SMAP1: variants seen among roughly 807,000 people sequenced by gnomAD.
SMAP1 encodes small ArfGAP 1, also known as stromal membrane-associated protein 1.
Under a neutral mutation model 58.5 loss-of-function variants are expected in SMAP1, and 24 were observed. That is an observed-to-expected ratio of 0.41 (90% CI 0.30 to 0.58). The LOEUF (loss-of-function observed/expected upper bound fraction) is 0.58. Ranked by LOEUF, SMAP1 falls within the 20% of genes least tolerant of loss-of-function variation. The pLI, the probability that SMAP1 is intolerant of heterozygous loss-of-function variation, is 0.29. For synonymous variants in SMAP1, 216 were observed against 196.6 expected (o/e 1.10, Z -0.82); for missense variants, 563 against 566.3 (o/e 0.99, Z 0.06).
rs750409828 is a variant in SMAP1, at chr6:70,852,558, C to G, written c.683C>G (p.Pro228Arg). 1.4e-5 allele frequency: 22 copies of G among 1,599,124 alleles called. No homozygotes were observed. The highest frequency in any genetic ancestry group is 3.4e-5 in the Admixed American group (2 of 58,088). Residue 228 changes from proline to arginine, a missense_variant, in exon 8 of 11, where the codon CCA becomes CGA. By Grantham distance (103) the Pro-to-Arg change is moderately radical. Transcript: ENST00000370455. ...TTTTCAGATGGCCCTGCTGTGGCAC[C>G]AGTGACCAACGGGAACACAACGGTG... is the stretch of plus-strand genomic sequence containing the variant. Reference protein sequence around the residue: ...LLGLDGPAVAPVTNGNTTVPP... With the variant: ...LLGLDGPAVARVTNGNTTVPP...
At chr6:70,677,090 G>C (rs552394882) in intron 1 of SMAP1, among the ~76,000 whole-genome samples, 6 of 151,792 alleles carry the variant, frequency 4.0e-5, no homozygotes, top group African/African-American at 1.2e-4. Flanking sequence ...CTCACCTTGC[G>C]TAAACTTTAT....
chr6:70,784,927 A>T (rs904235636), intron 4 of SMAP1, among the ~76,000 whole-genome samples: 30 of 152,262 alleles, frequency 2.0e-4, no homozygotes, highest in South Asian at 1.2e-3. Context: ...ACCCAGGAAT[A>T]GAACTCAGCT....
At position 70,833,371 on chromosome 6, in the gene SMAP1, C is replaced by T. The variant is rs143791193; in HGVS notation, c.577-3570C>T. ...AATCTCTAAAATCACCTTTGCCACACGTTGTGTTCAGGTTACGGCCTCCAC... is the reference window on the plus strand; with the variant it reads ...AATCTCTAAAATCACCTTTGCCACATGTTGTGTTCAGGTTACGGCCTCCAC... On this transcript the variant is annotated intron_variant, in intron 6 of 10. Coordinates refer to ENST00000370455, the MANE Select transcript of SMAP1 (RefSeq NM_001044305.3). Among the ~76,000 whole-genome samples, 1,514 of 152,192 alleles carry T rather than the reference C, an allele frequency of 9.9e-3. 15 individuals are homozygous for T. The highest frequency in any genetic ancestry group is 0.034 in the African/African-American group (1,405 of 41,530).
chr6:70,714,303 T>G (rs1282329718), intron 1 of SMAP1, among the ~76,000 whole-genome samples: 1 of 152,204 alleles, frequency 6.6e-6, no homozygotes, highest in East Asian at 1.9e-4. Flanking sequence ...TGTAGTTGTT[T>G]TGTCCTCCTT....
At chr6:70,669,961 T>C (rs777808843) in intron 1 of SMAP1, among the ~76,000 whole-genome samples, 5 of 152,200 alleles carry the variant, frequency 3.3e-5, no homozygotes, top group Non-Finnish European at 7.3e-5. Flanking sequence ...AACTTTTTTT[T>C]TTTTTATTTA....
At chr6:70,811,011 A>T (rs1769364585) in intron 6 of SMAP1, among the ~76,000 whole-genome samples, 1 of 152,194 alleles carries the variant, frequency 6.6e-6, no homozygotes, top group South Asian at 2.1e-4. Context: ...CTGTGTAATA[A>T]CTTCTTACAA....
chr6:70,679,309 G>A (rs915252876), intron 1 of SMAP1, among the ~76,000 whole-genome samples: 9 of 152,226 alleles, frequency 5.9e-5, no homozygotes, highest in Admixed American at 5.2e-4. Context: ...TTGAGCCACC[G>A]CGCCTGGCCA....
intron 4 of SMAP1, among the ~76,000 whole-genome samples, chr6:70,782,505 A>G (rs1326878613): frequency 6.6e-6 from 1 of 152,246 alleles, no homozygotes; most frequent in Non-Finnish European, 1.5e-5. Context: ...AACATGTGAT[A>G]AAACTTACAT....
chr6:70,853,681 A>C (rs1267742606), intron 8 of SMAP1, among the ~76,000 whole-genome samples: 1 of 152,224 alleles, frequency 6.6e-6, no homozygotes, highest in Admixed American at 6.5e-5. Context: ...TATTTTCAGC[A>C]AAATAGCTTA....
chr6:70,811,082 A>G (rs1487786878), intron 6 of SMAP1, among the ~76,000 whole-genome samples: 1 of 152,194 alleles, frequency 6.6e-6, no homozygotes, highest in African/African-American at 2.4e-5. Context: ...AGCCTTTTGA[A>G]AAATATTAAC....
intron 9 of SMAP1, chr6:70,857,291 T>C (rs1771467491): frequency 3.5e-6 from 1 of 284,334 alleles, no homozygotes; most frequent in East Asian, 5.9e-5. Context: ...TTATAGAACA[T>C]GGATTATCTT....
intron 3 of SMAP1, among the ~76,000 whole-genome samples, chr6:70,755,898 C>T (rs1030512850): frequency 2.6e-5 from 4 of 151,912 alleles, no homozygotes; most frequent in South Asian, 2.1e-4. Flanking sequence ...TTTTACATAG[C>T]GTAAATTCTG....
intron 1 of SMAP1, among the ~76,000 whole-genome samples, chr6:70,717,113 A>G (rs951394980): frequency 2.0e-5 from 3 of 152,186 alleles, no homozygotes; most frequent in African/African-American, 7.2e-5. Flanking sequence ...GGGTGTGCCA[A>G]GTTCTGCCAG....
intron 6 of SMAP1, 54 bp from the exon 7 acceptor site, chr6:70,836,887 A>G (rs1770610614): frequency 1.4e-6 from 2 of 1,410,486 alleles, no homozygotes; most frequent in African/African-American, 1.5e-5. Flanking sequence ...GGGGCTTAAA[A>G]TCTTGTTAAA....
At chr6:70,741,173 C>T (rs980139905) in intron 2 of SMAP1, among the ~76,000 whole-genome samples, 2 of 152,172 alleles carry the variant, frequency 1.3e-5, no homozygotes, top group Admixed American at 1.3e-4. Context: ...TCCCAGCAGG[C>T]CCCCAAAGTC....
intron 6 of SMAP1, among the ~76,000 whole-genome samples, chr6:70,834,371 CAA>C (rs3034191): frequency 2.1e-4 from 28 of 136,300 alleles, no homozygotes; most frequent in Admixed American, 2.2e-4. Flanking sequence ...TAAAATACAC[CAA>C]AAAAAAAAAA....
chr6:70,743,351 A>T (rs867022330), intron 2 of SMAP1, among the ~76,000 whole-genome samples: 1 of 152,158 alleles, frequency 6.6e-6, no homozygotes, highest in South Asian at 2.1e-4. Context: ...TTTTCTACCT[A>T]TGCCTTTCTG....
rs372026296 is a variant in SMAP1 at position 70,860,345 on chromosome 6, A to G, written c.*11A>G. 18 of 1,601,824 alleles carry G rather than the reference A, an allele frequency of 1.1e-5. No homozygotes were observed. The African/African-American group carries it at 1.6e-4, about 14-fold the overall frequency. On this transcript the variant is annotated 3_prime_UTR_variant, in exon 11 of 11. Coordinates refer to ENST00000370455, the MANE Select transcript of SMAP1 (RefSeq NM_001044305.3). ...CAACTGTGGAAATGAAAACTGCAAT[A>G]CAAGTTTCATCCAGAACTACCACCT... is the stretch of plus-strand genomic sequence containing the variant.
intron 2 of SMAP1, among the ~76,000 whole-genome samples, chr6:70,739,081 G>GAT (rs1025765897): frequency 1.3e-5 from 2 of 152,138 alleles, no homozygotes; most frequent in African/African-American, 4.8e-5. Flanking sequence ...CTAGAATATT[G>GAT]ATAGGCAGTC....
Sources: gnomAD v4.1 joint callset for allele counts (sites outside exome capture counted in the v4.1 genomes callset) on GRCh38, gnomAD v4.1.1 for gene constraint, MANE v1.5 for transcripts, NCBI Gene and HGNC (gene_info 2026-07-23, HGNC 2026-07-21) for gene names.